Variants in CDC14B observed in about 807,000 individuals in gnomAD.
CDC14B encodes the protein dual specificity protein phosphatase CDC14B.
CDC14B carries 22 observed loss-of-function variants against 64.2 expected under a neutral mutation model. The ratio of observed to expected loss-of-function variants is 0.34; its 90% CI spans 0.24 to 0.49. CDC14B has a LOEUF of 0.49. Ranked by LOEUF, CDC14B falls within the 20% of genes least tolerant of loss-of-function variation. CDC14B has a pLI of 0.99. For synonymous variants in CDC14B, 191 were observed against 215.8 expected, an observed-to-expected ratio of 0.89 and a Z score of 1.01; for missense variants, 498 against 629.9, an observed-to-expected ratio of 0.79 and a Z score of 2.24.
intron 1 of CDC14B, among the ~76,000 whole-genome samples, chr9:96,591,862 C>T (rs1175233596): frequency 6.6e-6 from 1 of 151,726 alleles, no homozygotes; most frequent in East Asian, 1.9e-4. Flanking sequence ...TCTCCTGACT[C>T]AGCCTTCCGA....
intron 1 of CDC14B, among the ~76,000 whole-genome samples, chr9:96,568,100 C>T (rs375382098): frequency 1.3e-5 from 2 of 152,070 alleles, no homozygotes; most frequent in African/African-American, 4.8e-5. Flanking sequence ...TTTTCATTCC[C>T]TCCTGTATTT....
At chr9:96,523,894 T>C (rs1035426939) in intron 9 of CDC14B, among the ~76,000 whole-genome samples, 169 bp from the exon 10 acceptor site, 2 of 152,226 alleles carry the variant, frequency 1.3e-5, no homozygotes, top group Non-Finnish European at 2.9e-5. Flanking sequence ...TAAATACTGA[T>C]GCCCGGTCTC....
chr9:96,613,106 C>T (rs1015695364), intron 1 of CDC14B, among the ~76,000 whole-genome samples: 1 of 152,184 alleles, frequency 6.6e-6, no homozygotes, highest in Non-Finnish European at 1.5e-5. Context: ...CATGGCTTTG[C>T]CAAAAAGAAA....
chr9:96,613,713 A>G lies in CDC14B; in HGVS notation c.160+5506T>C, dbSNP rs185089278. Among the ~76,000 whole-genome samples, 4 of 152,330 alleles carry G rather than the reference A, an allele frequency of 2.6e-5. No homozygotes were observed. The East Asian group carries it at 5.8e-4, about 22-fold the overall frequency. ...AGAAGAAAAATGCACACTACACACT[A>G]TGATGGGCTTCAATTCCTGAAACTG... On this transcript the variant is annotated intron_variant, in intron 1 of 13. Transcript: ENST00000375241.
rs1303176603 is a variant in CDC14B at position 96,608,809 on chromosome 9, G to A, written c.160+10410C>T. 2.6e-5 allele frequency among the ~76,000 whole-genome samples: 4 copies of A among 151,204 alleles called. No homozygotes were observed. In the East Asian group the frequency reaches 5.8e-4, roughly 22 times the overall value. On this transcript the variant is annotated intron_variant, in intron 1 of 13. Transcript: ENST00000375241. ...GTATTTTAATAGAGATAGGGTTTTCGGTGAATTATTAACATATACTTATAT... is the reference window on the plus strand; with the variant it reads ...GTATTTTAATAGAGATAGGGTTTTCAGTGAATTATTAACATATACTTATAT...
chr9:96,558,794 T>C (rs1320083632), intron 4 of CDC14B, among the ~76,000 whole-genome samples: 1 of 152,246 alleles, frequency 6.6e-6, no homozygotes, highest in Non-Finnish European at 1.5e-5. Context: ...GGCAGCAAAC[T>C]TATTTTGTAA....
chr9:96,548,820 G>A (rs953586463), intron 5 of CDC14B, among the ~76,000 whole-genome samples: 1 of 151,830 alleles, frequency 6.6e-6, no homozygotes, highest in East Asian at 1.9e-4. Context: ...AAAAAAGAGA[G>A]AGAGAGAATT....
At chr9:96,585,921 A>C (rs1845432267) in intron 1 of CDC14B, among the ~76,000 whole-genome samples, 1 of 152,234 alleles carries the variant, frequency 6.6e-6, no homozygotes, top group Non-Finnish European at 1.5e-5. Flanking sequence ...GCTCAGCAGT[A>C]ACAAAGGAAT....
intron 12 of CDC14B, among the ~76,000 whole-genome samples, chr9:96,510,626 G>C (rs1183910679): frequency 6.9e-6 from 1 of 144,820 alleles, no homozygotes; most frequent in Non-Finnish European, 1.5e-5. Context: ...TTTTTTTTGA[G>C]ATGGAGTCTT....
At chr9:96,505,339 C>T (rs1277281015) in intron 13 of CDC14B, among the ~76,000 whole-genome samples, 2 of 152,114 alleles carry the variant, frequency 1.3e-5, no homozygotes, top group African/African-American at 4.8e-5. Context: ...AGTGATACAA[C>T]TCAGAATTAA....
At chr9:96,602,793 T>G (rs185716139) in intron 1 of CDC14B, among the ~76,000 whole-genome samples, 7 of 152,306 alleles carry the variant, frequency 4.6e-5, no homozygotes, top group Admixed American at 2.0e-4. Flanking sequence ...TATTCTTTGC[T>G]ATTAGGATCA....
intron 7 of CDC14B, 138 bp downstream of exon 7, chr9:96,538,940 T>A (rs1839663849): frequency 7.9e-6 from 5 of 632,454 alleles, no homozygotes; most frequent in Non-Finnish European, 1.4e-5. Flanking sequence ...GATTAGGTAA[T>A]CATTTCATGG....
intron 4 of CDC14B, among the ~76,000 whole-genome samples, chr9:96,552,236 G>A (rs1204385006): frequency 2.0e-5 from 3 of 152,190 alleles, no homozygotes; most frequent in Admixed American, 1.3e-4. Context: ...GCGTGTAGGA[G>A]ATGGGGATGG....
At chr9:96,602,453 GCA>G (rs1846555484) in intron 1 of CDC14B, among the ~76,000 whole-genome samples, 1 of 152,142 alleles carries the variant, frequency 6.6e-6, no homozygotes, top group South Asian at 2.1e-4. Context: ...CCGAAACTGG[GCA>G]ATTTACAAAA....
chr9:96,496,839 T>G (rs1020571946), downstream of CDC14B, among the ~76,000 whole-genome samples: 1 of 152,100 alleles, frequency 6.6e-6, no homozygotes, highest in African/African-American at 2.4e-5. Flanking sequence ...CTCTGTCCTG[T>G]GTACTGCCCA....
chr9:96,619,121 G>A, intron 1 of CDC14B, 98 bp downstream of exon 1: 4 of 1,006,932 alleles, frequency 4.0e-6, no homozygotes, highest in Non-Finnish European at 5.1e-6. Context: ...ATTTCGGCCC[G>A]GCCCCGGAGG....
At chr9:96,536,220 T>G (rs1038540982) in intron 7 of CDC14B, among the ~76,000 whole-genome samples, 1 of 152,192 alleles carries the variant, frequency 6.6e-6, no homozygotes, top group African/African-American at 2.4e-5. Flanking sequence ...CCACACAGCT[T>G]CATGGAGGTG....
At chr9:96,615,810 T>G (rs1382549276) in intron 1 of CDC14B, among the ~76,000 whole-genome samples, 1 of 152,208 alleles carries the variant, frequency 6.6e-6, no homozygotes, top group Non-Finnish European at 1.5e-5. Flanking sequence ...TTATTCCTAA[T>G]AGCCAAAAAG....
chr9:96,526,908 A>T (rs567673292), intron 9 of CDC14B, among the ~76,000 whole-genome samples: 2 of 152,170 alleles, frequency 1.3e-5, no homozygotes, highest in Non-Finnish European at 2.9e-5. Flanking sequence ...GTGCAAAAGG[A>T]CCTTGCTGAA....
Sources: gnomAD v4.1 joint callset for allele counts (sites outside exome capture counted in the v4.1 genomes callset) on GRCh38, gnomAD v4.1.1 for gene constraint, MANE v1.5 for transcripts, NCBI Gene and HGNC (gene_info 2026-07-23, HGNC 2026-07-21) for gene names.